Variants in RMDN3 observed in about 807,000 individuals in gnomAD.
RMDN3 encodes regulator of microtubule dynamics protein 3.
Under a neutral mutation model 61.8 loss-of-function variants are expected in RMDN3, and 41 were observed. The ratio of observed to expected loss-of-function variants is 0.66; its 90% confidence interval spans 0.52 to 0.86. The LOEUF (loss-of-function observed/expected upper bound fraction) is 0.86. RMDN3 is among the 40% of genes least tolerant of loss of function. The pLI is 0.00. For synonymous variants in RMDN3, 247 were observed against 232.0 expected, an observed-to-expected ratio of 1.06 and a Z score of -0.59; for missense variants, 557 against 585.3, an observed-to-expected ratio of 0.95 and a Z score of 0.50.
Position 40,751,465 on chromosome 15 carries a change from G to A in RMDN3, c.485C>T (p.Ser162Phe), listed in dbSNP as rs775077027. The change falls in exon 4 of 13, where the codon TCC (serine) becomes TTC (phenylalanine). Residue 162 changes from serine to phenylalanine, a missense_variant. By Grantham distance (155) the Ser-to-Phe change is radical (BLOSUM62 -2). Transcript: ENST00000338376. ...TGSSSVYFTA[S>F]SGATFTDAES... ...AGCATCTGTGAACGTGGCTCCCGAG[G>A]AGGCCGTGAAGTAGACAGAGCTGGA... The A allele has an allele frequency of 6.2e-7, 1 of 1,614,232 alleles. No homozygotes were observed. Among genetic ancestry groups the A allele is most frequent in the Admixed American group, 1.7e-5 (1 of 60,030 alleles).
At chr15:40,743,972 G>T in intron 6 of RMDN3, 75 bp downstream of exon 6, 1 of 1,288,516 alleles carries the variant, frequency 7.8e-7, no homozygotes, top group Non-Finnish European at 1.1e-6. Context: ...TGGTTCCCCG[G>T]GTCCCCAGGC....
chr15:40,742,607 C>A (rs924880702), intron 6 of RMDN3, among the ~76,000 whole-genome samples: 5 of 152,310 alleles, frequency 3.3e-5, no homozygotes, highest in African/African-American at 7.2e-5. Flanking sequence ...AAGGATAATT[C>A]TTAAAGGCTG....
intron 7 of RMDN3, chr15:40,738,971 A>T (rs905467703): frequency 1.2e-5 from 2 of 170,020 alleles, no homozygotes; most frequent in Non-Finnish European, 2.5e-5. Flanking sequence ...CTGGGCAGAC[A>T]AAAAAGTGGG....
At chr15:40,748,630 TTCTC>T (rs1245480868) in intron 4 of RMDN3, among the ~76,000 whole-genome samples, 1 of 152,162 alleles carries the variant, frequency 6.6e-6, no homozygotes, top group Non-Finnish European at 1.5e-5. Context: ...GATGGAGTCT[TTCTC>T]TGTCACCCAG....
chr15:40,737,219 C>A lies in RMDN3; in HGVS notation c.1279-15G>T. 1 of 1,613,518 alleles carries A rather than the reference C, an allele frequency of 6.2e-7. No homozygotes were observed. Among genetic ancestry groups the A allele is most frequent in the Non-Finnish European group, 8.5e-7 (1 of 1,179,416 alleles). ...TCTCTGTAGCACTGAAAAGAGACAA[C>A]AGTGAAACCTGATACTGTGTACTTT... On this transcript the variant is annotated splice_polypyrimidine_tract_variant and intron_variant, in intron 11 of 12. Coordinates refer to ENST00000338376, the MANE Select transcript of RMDN3 (RefSeq NM_018145.3).
rs762444208 is a variant in RMDN3 at position 40,738,557 on chromosome 15, G to C, written c.991C>G (p.Gln331Glu). ...CHLWYAVLCG[Q>E]LAEHESIQRR... ...TGGATGCTCTCATGCTCAGCCAGCT[G>C]ACCACAAAGCACCGCATACCTAGGG... The change falls in exon 8 of 13, where the codon CAG becomes GAG. Residue 331 changes from glutamine (Q) to glutamate (E), a missense_variant. Coordinates refer to ENST00000338376, the MANE Select transcript of RMDN3 (RefSeq NM_018145.3). 3 of 1,613,894 alleles carry C rather than the reference G, an allele frequency of 1.9e-6. No homozygotes were observed. The African/African-American group carries it at 4.0e-5, about 22-fold the overall frequency.
At chr15:40,740,701 T>C (rs1897246639) in intron 6 of RMDN3, among the ~76,000 whole-genome samples, 1 of 152,180 alleles carries the variant, frequency 6.6e-6, no homozygotes, top group Non-Finnish European at 1.5e-5. Flanking sequence ...CTGCTTCACC[T>C]TGGCTTCCCC....
At chr15:40,751,871 C>G (rs1897838161) in intron 3 of RMDN3, 115 bp downstream of exon 3, 2 of 1,160,136 alleles carry the variant, frequency 1.7e-6, no homozygotes, top group South Asian at 1.4e-5. Flanking sequence ...CCAGATTAGG[C>G]TAGAAGCTAT....
intron 6 of RMDN3, 59 bp downstream of exon 6, chr15:40,743,988 G>C: frequency 6.8e-7 from 1 of 1,462,786 alleles, no homozygotes; most frequent in South Asian, 1.3e-5. Context: ...CAGGCAGATG[G>C]GCCAGCCCCA....
intron 3 of RMDN3, 90 bp from the exon 4 acceptor site, chr15:40,751,659 C>G: frequency 6.4e-7 from 1 of 1,557,408 alleles, no homozygotes; most frequent in South Asian, 1.1e-5. Context: ...ACTACTGCTC[C>G]TCATTAAAGG....
At chr15:40,751,719 G>A (rs1897831229) in intron 3 of RMDN3, 150 bp from the exon 4 acceptor site, 2 of 1,225,134 alleles carry the variant, frequency 1.6e-6, no homozygotes, top group Middle Eastern at 2.2e-4. Context: ...AGGGCAAGCA[G>A]GGCAGCTTCC....
Position 40,745,240 on chromosome 15 carries a change from C to CCG in RMDN3, c.542_543dup (p.Glu182ArgfsTer20). On this transcript the variant is annotated frameshift_variant, in exon 5 of 13. Transcript: ENST00000338376. LOFTEE classifies it high-confidence loss of function. The stretch of plus-strand genomic sequence containing the variant: ...TCAGAGTCCCGCTCATTGTCAGACT[C>CCG]CGCATTGGCTGTTGTGTAACTGGCA... 6.2e-7 allele frequency: 1 copy of CCG among 1,613,846 alleles called. No individual in the cohort carries two copies. The highest frequency in any genetic ancestry group is 8.5e-7 in the Non-Finnish European group (1 of 1,179,986).
chr15:40,737,746 G>GT lies in RMDN3; in HGVS notation c.1126-21dup. 6.2e-7 allele frequency: 1 copy of GT among 1,609,104 alleles called. No individual in the cohort carries two copies. The highest frequency in any genetic ancestry group is 8.5e-7 in the Non-Finnish European group (1 of 1,176,236). ...AGAGACCTGCCACAAAAAGATCAAG[G>GT]TGTGTATAAGAGGTTTTAAAAGGTT... On this transcript the variant is annotated intron_variant, in intron 9 of 12. Coordinates refer to ENST00000338376, the MANE Select transcript of RMDN3 (RefSeq NM_018145.3).
rs775153144 is a variant in RMDN3 at position 40,744,180 on chromosome 15, C to G, written c.808-31G>C. On this transcript the variant is annotated intron_variant, in intron 5 of 12. Coordinates refer to ENST00000338376, the MANE Select transcript of RMDN3 (RefSeq NM_018145.3). Reference sequence around the variant, plus strand: ...GACCAGACAGAAACGGGTGAGGCCCCTTTTTCCTCAACTGTGGAGAATGGG... The same window carrying G: ...GACCAGACAGAAACGGGTGAGGCCCGTTTTTCCTCAACTGTGGAGAATGGG... 6 of 1,603,642 alleles carry G rather than the reference C, an allele frequency of 3.7e-6. No homozygotes were observed. In the African/African-American group the frequency reaches 8.0e-5, roughly 21 times the overall value.
At chr15:40,751,606 G>A in intron 3 of RMDN3, 37 bp from the exon 4 acceptor site, 2 of 1,613,584 alleles carry the variant, frequency 1.2e-6, no homozygotes. Context: ...GTACCATTAG[G>A]TCCCATCCAG....
chr15:40,745,097 A>G lies in RMDN3; in HGVS notation c.687T>C (p.Ala229=). Residue 229 remains alanine, a synonymous_variant, in exon 5 of 13, where the codon GCT becomes GCC. Coordinates refer to ENST00000338376, the MANE Select transcript of RMDN3 (RefSeq NM_018145.3). ...CATCCTCCAAGCCTGAGGAACCTCCAGCCTCCAGGGCACTGGAGGCACCTG... is the reference window on the plus strand; with the variant it reads ...CATCCTCCAAGCCTGAGGAACCTCCGGCCTCCAGGGCACTGGAGGCACCTG... ...AASGASSALE[A]GGSSGLEDVL... The G allele has an allele frequency of 6.2e-7, 1 of 1,614,158 alleles. No individual in the cohort carries two copies. Among genetic ancestry groups the G allele is most frequent in the Non-Finnish European group, 8.5e-7 (1 of 1,180,016 alleles).
chr15:40,745,446 T>G (rs1897495481), intron 4 of RMDN3, among the ~76,000 whole-genome samples, 187 bp from the exon 5 acceptor site: 1 of 142,060 alleles, frequency 7.0e-6, no homozygotes, highest in Non-Finnish European at 1.5e-5. Flanking sequence ...AGGGTCCCGC[T>G]CTGTCACCCA....
At chr15:40,738,388 AAAG>A (rs1020710542) in intron 8 of RMDN3, 110 bp downstream of exon 8, 14 of 1,009,350 alleles carry the variant, frequency 1.4e-5, no homozygotes, top group Middle Eastern at 2.1e-4. Context: ...TCTCAAAAAA[AAAG>A]AAGAAAGGCA....
At position 40,752,078 on chromosome 15, in the gene RMDN3, A is replaced by G. The variant is rs1897851472; in HGVS notation, c.288T>C (p.Phe96=). 1.2e-6 allele frequency: 2 copies of G among 1,614,180 alleles called. No homozygotes were observed. The highest frequency in any genetic ancestry group is 1.7e-6 in the Non-Finnish European group (2 of 1,180,026). Residue 96 remains phenylalanine, a synonymous_variant, in exon 3 of 13, where the codon TTT becomes TTC. Coordinates refer to ENST00000338376, the MANE Select transcript of RMDN3 (RefSeq NM_018145.3). ...GCAGCGCCACAAGGCTGGTCAGCACAAAGTCCAGGCGGTCCAGCACCTTCT... is the reference window on the plus strand; with the variant it reads ...GCAGCGCCACAAGGCTGGTCAGCACGAAGTCCAGGCGGTCCAGCACCTTCT... ...GQEKVLDRLD[F]VLTSLVALRR...
Sources: gnomAD v4.1 joint callset for allele counts (sites outside exome capture counted in the v4.1 genomes callset) on GRCh38, gnomAD v4.1.1 for gene constraint, MANE v1.5 for transcripts, NCBI Gene and HGNC (gene_info 2026-07-23, HGNC 2026-07-21) for gene names.